PKD1L1: variants seen among roughly 807,000 people sequenced by gnomAD.
The protein encoded by PKD1L1 is polycystin 1 like 1, transient receptor potential channel interacting.
A neutral mutation model predicts 323.4 loss-of-function variants in PKD1L1; 236 were observed. That is an observed-to-expected ratio of 0.73 (90% CI 0.66 to 0.81). The LOEUF is 0.81. Among genes scored for constraint, PKD1L1 ranks in the 40% least tolerant of loss-of-function variants. The pLI, the probability that PKD1L1 is intolerant of heterozygous loss-of-function variation, is 0.00. For missense variants in PKD1L1, 3,320 were observed against 3,508.0 expected, an observed-to-expected ratio of 0.95 and a Z score of 1.35; for synonymous variants, 1,344 against 1,335.0, an observed-to-expected ratio of 1.01 and a Z score of -0.15.
At chr7:47,829,403 C>T in intron 44 of PKD1L1, 22 bp downstream of exon 44, 1 of 1,574,792 alleles carries the variant, frequency 6.4e-7, no homozygotes, top group Non-Finnish European at 8.6e-7. Flanking sequence ...TCAATTTGCA[C>T]TGCATAGGTA....
chr7:47,820,799 G>T (rs956952912), intron 46 of PKD1L1, among the ~76,000 whole-genome samples: 1 of 151,534 alleles, frequency 6.6e-6, no homozygotes, highest in African/African-American at 2.4e-5. Flanking sequence ...TTTGATAGAA[G>T]AACTCTGAGG....
the PKD1L1 span, among the ~76,000 whole-genome samples, chr7:47,955,142 G>C: frequency 1.3e-5 from 2 of 152,164 alleles, no homozygotes; most frequent in Admixed American, 6.5e-5. Context: ...TCCATGTTGG[G>C]CCCATGGTAA....
Position 47,915,431 on chromosome 7 carries a change from C to T in PKD1L1, c.1228+1G>A. The T allele has an allele frequency of 1.1e-6, 1 of 881,078 alleles. No homozygotes were observed. The highest frequency in any genetic ancestry group is 1.3e-5 in the South Asian group (1 of 76,490). The allele number at this position is 881,078 out of a possible 1,614,324, so 54.6% of individuals were successfully genotyped here. A position where few individuals can be genotyped will look rare whatever the true frequency, so the allele number is the denominator to read the frequency against. On this transcript the variant is annotated splice_donor_variant, in intron 8 of 56. Transcript: ENST00000289672. LOFTEE classifies it high-confidence loss of function. ...GCCTCTTTTTGCTTTTAAAAACATACTGGTGACAAAGGCAGAAATAAGCTC... is the reference window on the plus strand; with the variant it reads ...GCCTCTTTTTGCTTTTAAAAACATATTGGTGACAAAGGCAGAAATAAGCTC...
chr7:47,792,621 TC>T lies in PKD1L1; in HGVS notation c.8526+5del. On this transcript the variant is annotated splice_donor_5th_base_variant and intron_variant, in intron 56 of 56. Coordinates refer to ENST00000289672, the MANE Select transcript of PKD1L1 (RefSeq NM_138295.5). ...AATTGACATAAATAATTTTGCATGG[TC>T]TTACCTCAGCAGCTTGGTAACTAGA... 6.2e-7 allele frequency: 1 copy of T among 1,608,612 alleles called. No individual in the cohort carries two copies. Among genetic ancestry groups the T allele is most frequent in the South Asian group, 1.1e-5 (1 of 90,488 alleles).
rs577413222 is a variant in PKD1L1 at position 47,836,184 on chromosome 7, T to C, written c.5943+737A>G. ...TTTTTTTAATCCCACCAATCCATAA[T>C]TGTTATTGGATCTCTCTGATACCTG... On this transcript the variant is annotated intron_variant, in intron 37 of 56. Transcript: ENST00000289672. Among the ~76,000 whole-genome samples, 5 of 152,262 alleles carry C rather than the reference T, an allele frequency of 3.3e-5. No homozygotes were observed. The East Asian group carries it at 9.6e-4, about 29-fold the overall frequency.
chr7:47,775,518 T>A (rs557903347), intron 56 of PKD1L1, among the ~76,000 whole-genome samples: 1 of 152,114 alleles, frequency 6.6e-6, no homozygotes, highest in Non-Finnish European at 1.5e-5. Flanking sequence ...AACTAAATAA[T>A]ATACTTCCAA....
intron 3 of PKD1L1, among the ~76,000 whole-genome samples, chr7:47,939,855 G>A (rs569997768): frequency 1.2e-4 from 19 of 152,060 alleles, no homozygotes; most frequent in Middle Eastern, 3.4e-3. Context: ...CCCACCTGAG[G>A]GCTACCCTCC....
At chr7:47,899,445 A>G (rs1787030064) in intron 13 of PKD1L1, among the ~76,000 whole-genome samples, 1 of 152,032 alleles carries the variant, frequency 6.6e-6, no homozygotes, top group African/African-American at 2.4e-5. Context: ...CTACCCATCC[A>G]CACCCCTTAC....
At chr7:47,802,835 A>G (rs2128726648) in intron 53 of PKD1L1, among the ~76,000 whole-genome samples, 1 of 152,370 alleles carries the variant, frequency 6.6e-6, no homozygotes, top group South Asian at 2.1e-4. Flanking sequence ...TTCTAAGAAG[A>G]ACTGTGCCTG....
At chr7:47,877,713 T>C in intron 21 of PKD1L1, 82 bp from the exon 22 acceptor site, 1 of 1,484,314 alleles carries the variant, frequency 6.7e-7, no homozygotes, top group Non-Finnish European at 9.1e-7. Context: ...AGATAAACCT[T>C]ATAGCAGGGG....
At chr7:47,816,620 C>T (rs1042612119) in intron 46 of PKD1L1, among the ~76,000 whole-genome samples, 3 of 152,184 alleles carry the variant, frequency 2.0e-5, no homozygotes, top group Non-Finnish European at 4.4e-5. Flanking sequence ...TCTGATGTGG[C>T]TGTTTCATCC....
chr7:47,780,862 G>T (rs564534277), intron 56 of PKD1L1, among the ~76,000 whole-genome samples: 116 of 152,322 alleles, frequency 7.6e-4, no homozygotes, highest in South Asian at 1.5e-3. Flanking sequence ...TAAAGCTGCT[G>T]TGAACATTCA....
intron 53 of PKD1L1, among the ~76,000 whole-genome samples, chr7:47,802,175 G>A (rs1784677366): frequency 1.5e-5 from 2 of 135,240 alleles, no homozygotes; most frequent in African/African-American, 2.8e-5. Context: ...CTGGGTGACA[G>A]AGCGAGACTC....
chr7:47,793,174 T>A (rs1584946225), intron 55 of PKD1L1, among the ~76,000 whole-genome samples: 1 of 152,082 alleles, frequency 6.6e-6, no homozygotes, highest in African/African-American at 2.4e-5. Context: ...AAGGCAATAA[T>A]GGATGGGGAA....
intron 24 of PKD1L1, among the ~76,000 whole-genome samples, chr7:47,873,402 A>G (rs1007367121): frequency 1.3e-5 from 2 of 152,138 alleles, no homozygotes; most frequent in Non-Finnish European, 2.9e-5. Context: ...TAATCCCAGC[A>G]TTTTGGGAGA....
intron 26 of PKD1L1, among the ~76,000 whole-genome samples, chr7:47,863,572 T>C (rs1228382869): frequency 1.3e-5 from 2 of 151,860 alleles, no homozygotes; most frequent in East Asian, 3.9e-4. Flanking sequence ...GAAGAGCGTG[T>C]CCCCCAAAGC....
At chr7:47,792,583 T>C in intron 56 of PKD1L1, 44 bp downstream of exon 56, 1 of 1,544,516 alleles carries the variant, frequency 6.5e-7, no homozygotes, top group Non-Finnish European at 8.8e-7. Context: ...AGAACTTAAA[T>C]TGCTATGAAG....
chr7:47,860,860 G>A (rs551309642), intron 26 of PKD1L1, among the ~76,000 whole-genome samples: 1 of 152,276 alleles, frequency 6.6e-6, no homozygotes, highest in South Asian at 2.1e-4. Context: ...TTCATGCTCT[G>A]GAGCCTCATG....
Position 47,815,489 on chromosome 7 carries a change from T to G in PKD1L1, c.6966-32A>C, listed in dbSNP as rs769102899. On this transcript the variant is annotated intron_variant, in intron 46 of 56. Transcript: ENST00000289672. The stretch of plus-strand genomic sequence containing the variant: ...GCAAGAACAAAAATAAAAAGTTGCT[T>G]CTGCATCAACAAGAACAATGAAACG... The G allele has an allele frequency of 2.6e-5, 42 of 1,606,316 alleles. 2 individuals are homozygous for G. In the South Asian group the frequency reaches 4.7e-4, roughly 18 times the overall value.
Sources: gnomAD v4.1 joint callset for allele counts (sites outside exome capture counted in the v4.1 genomes callset) on GRCh38, gnomAD v4.1.1 for gene constraint, MANE v1.5 for transcripts, NCBI Gene and HGNC (gene_info 2026-07-23, HGNC 2026-07-21) for gene names.